Variants in COL4A6 observed in about 807,000 individuals in gnomAD.
COL4A6 encodes collagen alpha-6(IV) chain.
COL4A6 carries 59 observed loss-of-function variants against 126.7 expected under a neutral mutation model. The observed-to-expected ratio is 0.47, with a 90% CI of 0.38 to 0.58. COL4A6 has a LOEUF of 0.58. COL4A6 is among the 20% of genes least tolerant of loss of function. The pLI is 0.00. For synonymous variants in COL4A6, 547 were observed against 496.6 expected, an observed-to-expected ratio of 1.10 and a Z score of -1.35; for missense variants, 1,285 against 1,337.3, an observed-to-expected ratio of 0.96 and a Z score of 0.61.
chrX:108,224,306 AC>A (rs1279862237), intron 3 of COL4A6, among the ~76,000 whole-genome samples: 1 of 111,302 alleles, frequency 9.0e-6, no homozygotes, highest in Non-Finnish European at 1.9e-5. Context: ...GCTGAAAGGA[AC>A]TCTCCTAAAG....
intron 2 of COL4A6, among the ~76,000 whole-genome samples, chrX:108,319,991 G>A (rs1052836907): frequency 4.5e-5 from 5 of 111,779 alleles, no homozygotes; most frequent in Admixed American, 2.8e-4. Context: ...AGAATTGAAA[G>A]TTCATCCACA....
chrX:108,309,065 T>C (rs1845991357), intron 3 of COL4A6, among the ~76,000 whole-genome samples: 1 of 111,898 alleles, frequency 8.9e-6, no homozygotes. Context: ...AATCAGATAA[T>C]GAGACTATTT....
chrX:108,282,520 G>A (rs1028627992), intron 3 of COL4A6, among the ~76,000 whole-genome samples: 25 of 111,529 alleles, frequency 2.2e-4, no homozygotes, highest in African/African-American at 7.8e-4. Context: ...AGGATGTGGA[G>A]AAATACGAAC....
intron 3 of COL4A6, among the ~76,000 whole-genome samples, chrX:108,286,139 G>A (rs1054753954): frequency 8.9e-6 from 1 of 112,151 alleles, no homozygotes; most frequent in African/African-American, 3.2e-5. Flanking sequence ...AAAATGTTAA[G>A]CTCCACCTCT....
At chrX:108,399,045 CCAGT>C (rs1181059930) in intron 2 of COL4A6, among the ~76,000 whole-genome samples, 2 of 111,059 alleles carry the variant, frequency 1.8e-5, no homozygotes, top group Non-Finnish European at 3.8e-5. Context: ...TGTAGTATGG[CCAGT>C]CAAAGTCTTG....
intron 19 of COL4A6, among the ~76,000 whole-genome samples, chrX:108,190,886 C>A (rs1002597336): frequency 8.9e-6 from 1 of 112,023 alleles, no homozygotes; most frequent in African/African-American, 3.2e-5. Context: ...ACATTCTGGG[C>A]AACATTTCCA....
At chrX:108,160,791 A>G (rs2033907329) in intron 42 of COL4A6, 137 bp from the exon 43 acceptor site, 6 of 553,333 alleles carry the variant, frequency 1.1e-5, no homozygotes, top group Non-Finnish European at 1.3e-5. Flanking sequence ...ACCCTGGAAA[A>G]TGGTATTACC....
At chrX:108,158,400 A>T (rs2033807404) in intron 44 of COL4A6, among the ~76,000 whole-genome samples, 1 of 112,729 alleles carries the variant, frequency 8.9e-6, no homozygotes, top group Non-Finnish European at 1.9e-5. Context: ...ATAATATTCT[A>T]GTATGTTAGA....
chrX:108,252,396 A>G (rs2036872423), intron 3 of COL4A6, among the ~76,000 whole-genome samples: 1 of 111,953 alleles, frequency 8.9e-6, no homozygotes, highest in Non-Finnish European at 1.9e-5. Context: ...ATGAACAATT[A>G]GATTGATTCT....
chrX:108,319,726 C>G (rs73636401), intron 2 of COL4A6, among the ~76,000 whole-genome samples: 6,402 of 111,762 alleles, frequency 0.057, 424 homozygotes, highest in African/African-American at 0.18. Flanking sequence ...AAGTGAGGAA[C>G]TGGAGTAGTC....
intron 3 of COL4A6, among the ~76,000 whole-genome samples, chrX:108,271,117 T>C (rs1419734338): frequency 1.8e-5 from 2 of 112,524 alleles, no homozygotes; most frequent in African/African-American, 6.5e-5. Context: ...TCAGCGTTGG[T>C]GAAGTCTTGT....
chrX:108,366,729 T>G (rs147857981), intron 2 of COL4A6, among the ~76,000 whole-genome samples: 32 of 112,138 alleles, frequency 2.9e-4, no homozygotes, highest in African/African-American at 1.0e-3. Context: ...TAGTTTCACT[T>G]GCCATGCACC....
intron 3 of COL4A6, among the ~76,000 whole-genome samples, chrX:108,259,246 T>A (rs969568443): frequency 9.0e-6 from 1 of 111,403 alleles, no homozygotes; most frequent in African/African-American, 3.3e-5. Flanking sequence ...ATTTCTTTCT[T>A]CTAATCAGGT....
At chrX:108,272,071 T>A (rs964873529) in intron 3 of COL4A6, among the ~76,000 whole-genome samples, 2 of 111,645 alleles carry the variant, frequency 1.8e-5, no homozygotes, top group Non-Finnish European at 3.8e-5. Context: ...CCATATCCAA[T>A]AGGTCTTTCA....
At chrX:108,249,934 G>T (rs1299851831) in intron 3 of COL4A6, among the ~76,000 whole-genome samples, 1 of 111,680 alleles carries the variant, frequency 9.0e-6, no homozygotes, top group Non-Finnish European at 1.9e-5. Context: ...GTTCAAGGTA[G>T]GTTGCAGTGA....
intron 3 of COL4A6, among the ~76,000 whole-genome samples, chrX:108,285,304 G>A (rs1040518583): frequency 4.5e-5 from 5 of 111,902 alleles, no homozygotes; most frequent in South Asian, 7.6e-4. Flanking sequence ...TTCCACCCAA[G>A]TATTTCTCTA....
At chrX:108,245,865 G>T (rs1358376265) in intron 3 of COL4A6, among the ~76,000 whole-genome samples, 1 of 111,971 alleles carries the variant, frequency 8.9e-6, no homozygotes, top group Non-Finnish European at 1.9e-5. Flanking sequence ...GATGATCTGA[G>T]AATTGATAGG....
intron 2 of COL4A6, among the ~76,000 whole-genome samples, chrX:108,429,554 G>A (rs2064143563): frequency 9.0e-6 from 1 of 111,626 alleles, no homozygotes; most frequent in South Asian, 3.8e-4. Context: ...TCAGTATCTG[G>A]GTTGTGATAT....
chrX:108,214,732 G>C (rs1237023606), intron 5 of COL4A6, among the ~76,000 whole-genome samples: 1 of 112,258 alleles, frequency 8.9e-6, no homozygotes, highest in Admixed American at 9.4e-5. Flanking sequence ...TCTCCTGAAA[G>C]TTGCTTGGTC....
Sources: allele counts gnomAD v4.1 joint callset (sites outside exome capture counted in the v4.1 genomes callset), GRCh38; gene constraint gnomAD v4.1.1; transcripts MANE v1.5; gene names NCBI Gene and HGNC (gene_info 2026-07-23, HGNC 2026-07-21).